The following TACC2 variants were observed in gnomAD, a reference collection of about 807,000 sequenced individuals.
TACC2 encodes transforming acidic coiled-coil containing protein 2.
TACC2 carries 137 observed loss-of-function variants against 227.3 expected under a neutral mutation model. The ratio of observed to expected loss-of-function variants is 0.60; its 90% CI spans 0.52 to 0.69. TACC2 has a LOEUF of 0.69. TACC2 is among the 30% of genes least tolerant of loss of function. The pLI, the probability that TACC2 is intolerant of heterozygous loss-of-function variation, is 0.00. For synonymous variants in TACC2, 1,523 were observed against 1,487.5 expected (o/e 1.02, Z -0.55); for missense variants, 3,470 against 3,694.4 (o/e 0.94, Z 1.57).
At chr10:122,223,674 T>C (rs564961626) in intron 11 of TACC2, among the ~76,000 whole-genome samples, 7 of 152,334 alleles carry the variant, frequency 4.6e-5, no homozygotes, top group South Asian at 2.1e-4. Flanking sequence ...ATTTTAAAGC[T>C]GATATTTTTT....
chr10:122,034,871 T>C (rs1185726098), intron 2 of TACC2, among the ~76,000 whole-genome samples: 1 of 146,996 alleles, frequency 6.8e-6, no homozygotes, highest in Non-Finnish European at 1.5e-5. Context: ...GAGGTTGCAG[T>C]GAGCCAAGAT....
intron 1 of TACC2, among the ~76,000 whole-genome samples, chr10:122,020,404 A>C (rs549615281): frequency 7.7e-4 from 117 of 152,248 alleles, no homozygotes; most frequent in African/African-American, 2.6e-3. Flanking sequence ...TAGGAGTGAA[A>C]GAATTGAATG....
intron 2 of TACC2, among the ~76,000 whole-genome samples, chr10:122,040,489 G>A (rs1440126540): frequency 6.6e-6 from 1 of 152,162 alleles, no homozygotes; most frequent in Non-Finnish European, 1.5e-5. Flanking sequence ...GTTCTGGAGA[G>A]CCCTACAGGG....
rs111667623 is a variant in TACC2, at chr10:122,080,369, A to T, written c.147-2278A>T. 8.6e-5 allele frequency among the ~76,000 whole-genome samples: 13 copies of T among 151,954 alleles called. 1 individual carries two copies. The highest frequency in any genetic ancestry group is 2.9e-4 in the African/African-American group (12 of 41,408). ...CACGTCAGCCTCCTGAGTAGCTGGG[A>T]CTACAGGTGTGCACCACCATGCCCA... On this transcript the variant is annotated intron_variant, in intron 3 of 22. Transcript: ENST00000369005.
At chr10:122,006,955 G>C (rs1418099452) in intron 1 of TACC2, among the ~76,000 whole-genome samples, 1 of 150,534 alleles carries the variant, frequency 6.6e-6, no homozygotes, top group African/African-American at 2.4e-5. Flanking sequence ...TCTGCCTCCC[G>C]GGTTCCAGTG....
chr10:122,237,915 T>A (rs1267061814), intron 17 of TACC2, 46 bp from the exon 18 acceptor site: 1 of 1,431,614 alleles, frequency 7.0e-7, no homozygotes, highest in Non-Finnish European at 9.8e-7. Context: ...CAGAGCTGAA[T>A]TCACTCATTT....
Position 122,211,727 on chromosome 10 carries a change from G to A in TACC2, c.7283+19G>A. 6.5e-7 allele frequency: 1 copy of A among 1,528,738 alleles called. No homozygotes were observed. Among genetic ancestry groups the A allele is most frequent in the Non-Finnish European group, 8.7e-7 (1 of 1,143,308 alleles). The allele number at this position is 1,528,738 out of a possible 1,614,324, so 94.7% of individuals were successfully genotyped here. A position where few individuals can be genotyped will look rare whatever the true frequency, so the allele number is the denominator to read the frequency against. On this transcript the variant is annotated intron_variant, in intron 9 of 22. Coordinates refer to ENST00000369005, the MANE Select transcript of TACC2 (RefSeq NM_206862.4). ...TAAAGACGTAAGTTCAGGGGTGGAG[G>A]TGGTAAGGATCAGAGGCGGGGGTGC...
At chr10:122,162,659 G>A (rs1411369265) in intron 7 of TACC2, among the ~76,000 whole-genome samples, 8 of 152,200 alleles carry the variant, frequency 5.3e-5, no homozygotes, top group African/African-American at 1.9e-4. Context: ...CAAGTCTTGA[G>A]GGTTTCTGAG....
At chr10:122,232,600 T>C (rs2095778925) in intron 16 of TACC2, among the ~76,000 whole-genome samples, 1 of 152,158 alleles carries the variant, frequency 6.6e-6, no homozygotes, top group South Asian at 2.1e-4. Flanking sequence ...TCTTGGAGTA[T>C]ATAGGGAATA....
chr10:122,238,154 T>A, intron 18 of TACC2, 117 bp downstream of exon 18: 1 of 715,680 alleles, frequency 1.4e-6, no homozygotes, highest in Non-Finnish European at 2.4e-6. Context: ...CTCTCTTCTT[T>A]ATTACACACA....
intron 16 of TACC2, among the ~76,000 whole-genome samples, chr10:122,233,573 G>T (rs1390110668): frequency 6.6e-6 from 1 of 152,206 alleles, no homozygotes; most frequent in African/African-American, 2.4e-5. Context: ...TCGTTGAGCA[G>T]CCTGGCAGCA....
intron 11 of TACC2, among the ~76,000 whole-genome samples, chr10:122,220,907 G>A (rs1375010985): frequency 6.6e-6 from 1 of 152,166 alleles, no homozygotes; most frequent in African/African-American, 2.4e-5. Flanking sequence ...CTCCCCCAGT[G>A]TCCTGGCACA....
chr10:122,137,549 A>T (rs1425832279), intron 6 of TACC2, among the ~76,000 whole-genome samples: 1 of 152,178 alleles, frequency 6.6e-6, no homozygotes, highest in Non-Finnish European at 1.5e-5. Context: ...GTGAAATGGG[A>T]CACATCCAAG....
At chr10:122,004,670 C>G (rs941878904) in intron 1 of TACC2, among the ~76,000 whole-genome samples, 1 of 152,074 alleles carries the variant, frequency 6.6e-6, no homozygotes, top group Non-Finnish European at 1.5e-5. Context: ...AGCACCCATT[C>G]CCGAGCTCCC....
intron 22 of TACC2, among the ~76,000 whole-genome samples, 167 bp downstream of exon 22, chr10:122,249,831 C>T (rs2096216471): frequency 6.6e-6 from 1 of 152,254 alleles, no homozygotes; most frequent in Non-Finnish European, 1.5e-5. Flanking sequence ...CAATTTCATG[C>T]CAGCCCTAAG....
At chr10:122,003,208 CA>C (rs561349085) in intron 1 of TACC2, among the ~76,000 whole-genome samples, 13 of 146,768 alleles carry the variant, frequency 8.9e-5, no homozygotes, top group South Asian at 2.2e-4. Flanking sequence ...CTGTCTCAAA[CA>C]AAAAAAAAAG....
At chr10:122,023,607 G>T (rs1957594920) in intron 2 of TACC2, 1 of 151,822 alleles carries the variant, frequency 6.6e-6, no homozygotes, top group African/African-American at 2.4e-5. Flanking sequence ...AGAAGACTTG[G>T]ACACAGGATG....
rs1207745209 is a variant in TACC2 at position 122,213,454 on chromosome 10, A to G, written c.7283+1746A>G. 3.4e-6 allele frequency: 5 copies of G among 1,471,832 alleles called. No homozygotes were observed. The African/African-American group carries it at 6.9e-5, about 20-fold the overall frequency. 91.2% of individuals were successfully genotyped at this position (1,471,832 alleles called of 1,614,324 possible). ...TGCCTTTTGTTTCTGCTTCCAAGCC[A>G]TTTTTATTTCCCCTCTGGCTGCTAC... On this transcript the variant is annotated intron_variant, in intron 9 of 22. Coordinates refer to ENST00000369005, the MANE Select transcript of TACC2 (RefSeq NM_206862.4).
At chr10:122,190,765 G>A (rs1196636612) in intron 7 of TACC2, among the ~76,000 whole-genome samples, 1 of 152,152 alleles carries the variant, frequency 6.6e-6, no homozygotes, top group Non-Finnish European at 1.5e-5. Flanking sequence ...AGCGGGGGGA[G>A]AAACCAACGG....
Sources: gnomAD v4.1 joint callset for allele counts (sites outside exome capture counted in the v4.1 genomes callset) on GRCh38, gnomAD v4.1.1 for gene constraint, MANE v1.5 for transcripts, NCBI Gene and HGNC (gene_info 2026-07-23, HGNC 2026-07-21) for gene names.